The following TSHZ2 variants were observed in gnomAD, a reference collection of about 807,000 sequenced individuals.
TSHZ2 encodes the protein teashirt homolog 2.
Under a neutral mutation model 74.4 loss-of-function variants are expected in TSHZ2, and 21 were observed. The observed-to-expected ratio is 0.28, with a 90% CI of 0.20 to 0.41. The LOEUF is 0.41. Among genes scored for constraint, TSHZ2 ranks in the 10% least tolerant of loss-of-function variants. The pLI is 1.00. For missense variants in TSHZ2, 1,244 were observed against 1,293.5 expected, an observed-to-expected ratio of 0.96 and a Z score of 0.59; for synonymous variants, 540 against 515.3, an observed-to-expected ratio of 1.05 and a Z score of -0.65.
At chr20:53,001,228 G>A (rs867246180) in intron 1 of TSHZ2, among the ~76,000 whole-genome samples, 71 of 143,428 alleles carry the variant, frequency 5.0e-4, no homozygotes, top group Middle Eastern at 7.1e-3. Context: ...GTGTGTGTGT[G>A]TGTGTGTGTG....
At chr20:53,288,343 G>T (rs1036045452) in intron 2 of TSHZ2, among the ~76,000 whole-genome samples, 16 of 150,878 alleles carry the variant, frequency 1.1e-4, no homozygotes, top group Non-Finnish European at 2.1e-4. Flanking sequence ...GGTGGAGGTT[G>T]CAGTGAGCCG....
intron 1 of TSHZ2, among the ~76,000 whole-genome samples, chr20:53,248,330 C>T (rs1990253325): frequency 6.6e-6 from 1 of 151,820 alleles, no homozygotes; most frequent in Non-Finnish European, 1.5e-5. Flanking sequence ...GCCTCAGTTT[C>T]CCACAAGTAC....
chr20:53,178,837 A>G (rs972393952), intron 1 of TSHZ2: 2 of 152,232 alleles, frequency 1.3e-5, no homozygotes, highest in Non-Finnish European at 2.9e-5. Context: ...AGAATTTGCT[A>G]TAAATTTGGA....
chr20:52,994,434 ATGAG>A (rs1416048840), intron 1 of TSHZ2, among the ~76,000 whole-genome samples: 2 of 146,262 alleles, frequency 1.4e-5, no homozygotes, highest in African/African-American at 5.0e-5. Context: ...GGATGGATGG[ATGAG>A]TGAATGAATG....
At chr20:53,003,723 G>A (rs1054230684) in intron 1 of TSHZ2, among the ~76,000 whole-genome samples, 2 of 152,108 alleles carry the variant, frequency 1.3e-5, no homozygotes, top group Non-Finnish European at 2.9e-5. Context: ...TCCGTTGTCT[G>A]TGCTGATAGA....
chr20:53,276,437 T>A (rs1435691823), intron 2 of TSHZ2, among the ~76,000 whole-genome samples: 1 of 152,148 alleles, frequency 6.6e-6, no homozygotes, highest in East Asian at 1.9e-4. Flanking sequence ...ATCTATCCAC[T>A]TTTGCTGGGG....
intron 2 of TSHZ2, among the ~76,000 whole-genome samples, chr20:53,374,432 A>C (rs1229128384): frequency 6.6e-6 from 1 of 152,234 alleles, no homozygotes; most frequent in Non-Finnish European, 1.5e-5. Flanking sequence ...TACCATTGTG[A>C]ATAGTGCTCT....
chr20:53,204,953 G>A (rs185973476), intron 1 of TSHZ2, among the ~76,000 whole-genome samples: 5 of 151,718 alleles, frequency 3.3e-5, no homozygotes, highest in Admixed American at 1.3e-4. Flanking sequence ...ATTAGCCGGC[G>A]CCATGTGTGC....
intron 1 of TSHZ2, among the ~76,000 whole-genome samples, chr20:53,129,010 A>G (rs1007689572): frequency 6.6e-6 from 1 of 152,190 alleles, no homozygotes; most frequent in Non-Finnish European, 1.5e-5. Context: ...AGGCCCATGA[A>G]GTGAACAAAG....
intron 1 of TSHZ2, among the ~76,000 whole-genome samples, chr20:53,162,335 T>C (rs998683708): frequency 2.6e-5 from 4 of 152,180 alleles, no homozygotes; most frequent in African/African-American, 9.7e-5. Flanking sequence ...CGCAATGTTT[T>C]GGGTTCGGCC....
chr20:53,361,190 C>T (rs994999198), intron 2 of TSHZ2, among the ~76,000 whole-genome samples: 74 of 152,350 alleles, frequency 4.9e-4, no homozygotes, highest in African/African-American at 1.8e-3. Context: ...CACTGGTGCA[C>T]ACACCCCAGT....
intron 2 of TSHZ2, among the ~76,000 whole-genome samples, chr20:53,382,244 C>T (rs1248507114): frequency 2.6e-5 from 4 of 152,110 alleles, no homozygotes; most frequent in Admixed American, 6.5e-5. Flanking sequence ...CCCCAAATCC[C>T]GACATTCCTT....
intron 1 of TSHZ2, among the ~76,000 whole-genome samples, chr20:53,091,367 C>T (rs1292525103): frequency 6.6e-5 from 10 of 152,154 alleles, no homozygotes; most frequent in African/African-American, 1.9e-4. Context: ...TCAGCCACTT[C>T]TCTAGGTTTG....
chr20:53,260,138 C>T (rs1990573337), intron 2 of TSHZ2, among the ~76,000 whole-genome samples: 1 of 151,932 alleles, frequency 6.6e-6, no homozygotes, highest in South Asian at 2.1e-4. Flanking sequence ...TGTGCTTTTA[C>T]TATGCACCGG....
At chr20:53,436,039 A>G (rs879466613) in intron 2 of TSHZ2, among the ~76,000 whole-genome samples, 27 of 152,358 alleles carry the variant, frequency 1.8e-4, no homozygotes, top group Non-Finnish European at 2.9e-4. Flanking sequence ...TTTCTTTTCA[A>G]TGATAGCAAT....
In TSHZ2 at chr20:53,435,360, T is replaced by C. The variant is rs763994114; in HGVS notation, c.*9-51784T>C. Among the ~76,000 whole-genome samples the C allele has an allele frequency of 3.3e-4, 51 of 152,322 alleles. 1 individual carries two copies. Among genetic ancestry groups the C allele is most frequent in the Non-Finnish European group, 5.0e-4 (34 of 68,028 alleles). On this transcript the variant is annotated intron_variant, in intron 2 of 2. Coordinates refer to ENST00000371497, the MANE Select transcript of TSHZ2 (RefSeq NM_173485.6). Reference sequence around the variant, plus strand: ...AGGACAAGAGGGTGATTTGGAGCACTGCTAAGATGACTGTTTCCTTCTTTG... The same window carrying C: ...AGGACAAGAGGGTGATTTGGAGCACCGCTAAGATGACTGTTTCCTTCTTTG...
intron 2 of TSHZ2, among the ~76,000 whole-genome samples, chr20:53,469,757 ATAGAGAGGGAGG>A (rs1201813325): frequency 0.029 from 3,039 of 103,886 alleles, 226 homozygotes; most frequent in East Asian, 0.072. Context: ...CCCAAGAAAG[ATAGAGAGGGAGG>A]AAGGGAGGGA....
chr20:53,392,706 T>A (rs1016112158), intron 2 of TSHZ2, among the ~76,000 whole-genome samples: 1 of 152,208 alleles, frequency 6.6e-6, no homozygotes, highest in African/African-American at 2.4e-5. Flanking sequence ...TTTTATTTTT[T>A]AAAAAAACTT....
intron 1 of TSHZ2, among the ~76,000 whole-genome samples, chr20:53,006,543 G>A (rs1361262073): frequency 6.6e-6 from 1 of 152,166 alleles, no homozygotes; most frequent in Non-Finnish European, 1.5e-5. Context: ...TGTGCACCAC[G>A]GCTACTCAAC....
Sources: allele counts gnomAD v4.1 joint callset (sites outside exome capture counted in the v4.1 genomes callset), GRCh38; gene constraint gnomAD v4.1.1; transcripts MANE v1.5; gene names NCBI Gene and HGNC (gene_info 2026-07-23, HGNC 2026-07-21).